The following TCF7 variants were observed in gnomAD, a reference collection of about 807,000 sequenced individuals.
TCF7 encodes transcription factor 7, also known as T-cell-factor-7.
A neutral mutation model predicts 46.8 loss-of-function variants in TCF7; 19 were observed. That is an observed-to-expected ratio of 0.41 (90% CI 0.28 to 0.60). TCF7 has a LOEUF of 0.60. Ranked by LOEUF, TCF7 falls within the 20% of genes least tolerant of loss-of-function variation. The pLI, the probability that TCF7 is intolerant of heterozygous loss-of-function variation, is 0.35. For synonymous variants in TCF7, 245 were observed against 213.4 expected (o/e 1.15, Z -1.29); for missense variants, 547 against 504.6 (o/e 1.08, Z -0.81).
At position 134,144,663 on chromosome 5, in the gene TCF7, A is replaced by G. The variant is rs894840552; in HGVS notation, c.1075+1023A>G. 3 of 677,104 alleles carry G rather than the reference A, an allele frequency of 4.4e-6. No homozygotes were observed. In the African/African-American group the frequency reaches 5.3e-5, roughly 12 times the overall value. The allele number at this position is 677,104 out of a possible 1,614,324, so 41.9% of individuals were successfully genotyped here. ...GGCTGGCTGTGCCATGGAGAGGCCC[A>G]CTCTGCCTATGGGGGCTGTAGGGTG... On this transcript the variant is annotated intron_variant, in intron 9 of 9. Coordinates refer to ENST00000342854, the MANE Select transcript of TCF7 (RefSeq NM_003202.5).
Position 134,147,235 on chromosome 5 carries a change from G to A in TCF7, c.*932G>A, listed in dbSNP as rs17167302. The A allele has an allele frequency of 0.082, 12,492 of 152,214 alleles. 598 individuals carry two copies. The highest frequency in any genetic ancestry group is 0.15 in the Admixed American group (2,268 of 15,282). The allele number at this position is 152,214 out of a possible 1,614,324, so 9.4% of individuals were successfully genotyped here. On this transcript the variant is annotated 3_prime_UTR_variant, in exon 10 of 10. Coordinates refer to ENST00000342854, the MANE Select transcript of TCF7 (RefSeq NM_003202.5). ...ATCTAGCTCTAGTTCAAATTATTTG[G>A]AAGTGTTCCCTGAGAAACCCACCAG...
chr5:134,115,705 G>A (rs1017248955), intron 2 of TCF7: 8 of 1,432,508 alleles, frequency 5.6e-6, no homozygotes, highest in Non-Finnish European at 7.3e-6. Flanking sequence ...GGGGTGGGAG[G>A]TCAAGTAGGG....
rs931020462 is a variant in TCF7 at position 134,145,364 on chromosome 5, G to A, written c.1076-860G>A. 4 of 547,328 alleles carry A rather than the reference G, an allele frequency of 7.3e-6. 1 individual carries two copies. Among genetic ancestry groups the A allele is most frequent in the East Asian group, 9.8e-5 (2 of 20,320 alleles). The allele number at this position is 547,328 out of a possible 1,614,324, so 33.9% of individuals were successfully genotyped here. A position where few individuals can be genotyped will look rare whatever the true frequency, so the allele number is the denominator to read the frequency against. The stretch of plus-strand genomic sequence containing the variant: ...AGGTAGCCTTATGACTTGCTATCTT[G>A]TACCTACTGATACCAAAGGGCTGGA... On this transcript the variant is annotated intron_variant, in intron 9 of 9. Coordinates refer to ENST00000342854, the MANE Select transcript of TCF7 (RefSeq NM_003202.5).
chr5:134,135,995 T>C (rs1402742325), intron 3 of TCF7, among the ~76,000 whole-genome samples: 1 of 152,096 alleles, frequency 6.6e-6, no homozygotes, highest in Non-Finnish European at 1.5e-5. Flanking sequence ...GAGTTCAGGA[T>C]GGTGGAAGTC....
intron 9 of TCF7, chr5:134,145,685 C>T: frequency 6.3e-7 from 1 of 1,584,124 alleles, no homozygotes; most frequent in Non-Finnish European, 8.7e-7. Context: ...CATACATATG[C>T]ACGGTGGGAA....
At chr5:134,139,223 G>C in intron 5 of TCF7, 185 bp downstream of exon 5, 4 of 869,854 alleles carry the variant, frequency 4.6e-6, no homozygotes, top group Non-Finnish European at 6.8e-6. Context: ...ATGTACCCCG[G>C]CCTGCATTCC....
chr5:134,118,552 C>T (rs1462410617), intron 3 of TCF7, among the ~76,000 whole-genome samples: 2 of 152,050 alleles, frequency 1.3e-5, no homozygotes, highest in Non-Finnish European at 2.9e-5. Flanking sequence ...TTGCCCGGAG[C>T]AATAGGCTGA....
chr5:134,145,573 T>TA, intron 9 of TCF7: 1 of 697,168 alleles, frequency 1.4e-6, no homozygotes, highest in Non-Finnish European at 2.4e-6. Context: ...CTCCAGGCAG[T>TA]AAGGCCACTG....
upstream of TCF7, among the ~76,000 whole-genome samples, chr5:134,110,587 G>A (rs1270760254): frequency 2.0e-5 from 3 of 152,236 alleles, no homozygotes; most frequent in African/African-American, 7.2e-5. Flanking sequence ...CTGTAACCGG[G>A]TTTTGCCCTG....
At position 134,115,031 on chromosome 5, in the gene TCF7, C is replaced by A; in HGVS notation, c.125C>A (p.Ala42Asp). The stretch of plus-strand genomic sequence containing the variant: ...GACGACAAGAGCCGCGACAGCGCCG[C>A]CGGTCCCGAGCGCGACCTGGCCGAG... Reference protein sequence around the residue: ...EQDDKSRDSAAGPERDLAELK... With the variant: ...EQDDKSRDSADGPERDLAELK... Residue 42 changes from alanine (A) to aspartate (D), a missense_variant, in exon 1 of 10, where the codon GCC (alanine) becomes GAC (aspartate). Ala to Asp is a moderately radical substitution (Grantham distance 126). This residue lies in a region of TCF7 where 425 missense variants were observed against 349.9 expected (regional missense o/e 1.21). Coordinates refer to ENST00000342854, the MANE Select transcript of TCF7 (RefSeq NM_003202.5). 1 of 1,253,298 alleles carries A rather than the reference C, an allele frequency of 8.0e-7. No homozygotes were observed. Among genetic ancestry groups the A allele is most frequent in the Non-Finnish European group, 1.0e-6 (1 of 973,930 alleles). 77.6% of individuals were successfully genotyped at this position (1,253,298 alleles called of 1,614,324 possible). A position where few individuals can be genotyped will look rare whatever the true frequency, so the allele number is the denominator to read the frequency against.
upstream of TCF7, among the ~76,000 whole-genome samples, chr5:134,113,576 G>C (rs1021501005): frequency 2.6e-5 from 4 of 152,238 alleles, no homozygotes; most frequent in Admixed American, 2.6e-4. Context: ...AGGCGTGAGC[G>C]TCTACAGTGA....
Position 134,115,057 on chromosome 5 carries a change from C to T in TCF7, c.151C>T (p.Leu51Phe), listed in dbSNP as rs1223330687. The T allele has an allele frequency of 1.7e-6, 2 of 1,211,994 alleles. No homozygotes were observed. Among genetic ancestry groups the T allele is most frequent in the East Asian group, 5.4e-5 (1 of 18,642 alleles). 75.1% of individuals were successfully genotyped at this position (1,211,994 alleles called of 1,614,324 possible). A position where few individuals can be genotyped will look rare whatever the true frequency, so the allele number is the denominator to read the frequency against. ...CGGTCCCGAGCGCGACCTGGCCGAG[C>T]TCAAGTCGTCGCTCGTGAACGAGTC... The part of the protein sequence containing the change: ...AAGPERDLAE[L>F]KSSLVNESEG... Residue 51 changes from leucine to phenylalanine, a missense_variant, in exon 1 of 10, where the codon CTC becomes TTC. Physicochemically the swap from Leu to Phe is conservative, Grantham distance 22. This residue lies in a region of TCF7 where 425 missense variants were observed against 349.9 expected (regional missense o/e 1.21). Coordinates refer to ENST00000342854, the MANE Select transcript of TCF7 (RefSeq NM_003202.5).
chr5:134,127,362 T>A (rs982551441), intron 3 of TCF7, among the ~76,000 whole-genome samples: 1 of 152,258 alleles, frequency 6.6e-6, no homozygotes, highest in Non-Finnish European at 1.5e-5. Context: ...AGGAATGTTA[T>A]ATGGAAAAGT....
chr5:134,115,335 A>T lies in TCF7; in HGVS notation c.264A>T (p.Glu88Asp). The change falls in exon 2 of 10, where the codon GAA (glutamate) becomes GAT (aspartate). Residue 88 changes from glutamate to aspartate, a missense_variant. Physicochemically the swap from Glu to Asp is conservative, Grantham distance 45. This residue lies in a region of TCF7 where 425 missense variants were observed against 349.9 expected (regional missense o/e 1.21). Transcript: ENST00000342854. ...ARGEAEALGR[E>D]HAAQRLFPDK... The stretch of plus-strand genomic sequence containing the variant: ...TCTCCCTCCAGGCTCTCGGGCGGGA[A>T]CACGCTGCGCAGAGACTCTTCCCGG... 1 of 1,592,042 alleles carries T rather than the reference A, an allele frequency of 6.3e-7. No individual in the cohort carries two copies. Among genetic ancestry groups the T allele is most frequent in the East Asian group, 2.3e-5 (1 of 43,512 alleles).
chr5:134,138,536 C>A (rs1759247267), intron 4 of TCF7: 1 of 278,214 alleles, frequency 3.6e-6, no homozygotes, highest in Non-Finnish European at 6.8e-6. Context: ...ATTCTGAAAT[C>A]CCTCATTGTC....
At chr5:134,115,660 A>C in intron 2 of TCF7, 1 of 1,429,034 alleles carries the variant, frequency 7.0e-7, no homozygotes, top group Non-Finnish European at 9.1e-7. Flanking sequence ...CCTTCAGGAG[A>C]CAGAATTGGC....
chr5:134,115,369 C>A lies in TCF7; in HGVS notation c.298C>A (p.Pro100Thr). ...AAQRLFPDKL[P>T]EPLEDGLKAP... is the part of the protein sequence containing the mutation. ...GCAGAGACTCTTCCCGGACAAACTT[C>A]CAGAGCCCCTGGAGGACGGTGAGTT... Residue 100 changes from proline to threonine, a missense_variant, in exon 2 of 10, where the codon CCA (proline) becomes ACA (threonine). Transcript: ENST00000342854. The A allele has an allele frequency of 6.2e-7, 1 of 1,602,666 alleles. No individual in the cohort carries two copies. Among genetic ancestry groups the A allele is most frequent in the Non-Finnish European group, 8.5e-7 (1 of 1,175,360 alleles).
At chr5:134,127,692 T>G (rs1388658913) in intron 3 of TCF7, among the ~76,000 whole-genome samples, 1 of 152,224 alleles carries the variant, frequency 6.6e-6, no homozygotes, top group African/African-American at 2.4e-5. Flanking sequence ...CTGGGGCACG[T>G]TGAGGGCAGT....
In TCF7 at chr5:134,146,717, T is replaced by C; in HGVS notation, c.*414T>C. On this transcript the variant is annotated 3_prime_UTR_variant, in exon 10 of 10. Transcript: ENST00000342854. ...TGCTCCAAGTGGTGGGAATCAGATC[T>C]GTCTTGATGTGTCATCTAATTAAGG... The C allele has an allele frequency of 1.7e-6, 1 of 600,188 alleles. No individual in the cohort carries two copies. Among genetic ancestry groups the C allele is most frequent in the Admixed American group, 3.0e-5 (1 of 33,088 alleles). 37.2% of individuals were successfully genotyped at this position (600,188 alleles called of 1,614,324 possible).
Sources: allele counts gnomAD v4.1 joint callset (sites outside exome capture counted in the v4.1 genomes callset), GRCh38; gene constraint gnomAD v4.1.1; regional missense constraint gnomAD v4.1.1; transcripts MANE v1.5; gene names NCBI Gene and HGNC (gene_info 2026-07-23, HGNC 2026-07-21).